Variants in TRIM8 observed in about 807,000 individuals in gnomAD.
TRIM8 encodes the protein E3 ubiquitin-protein ligase TRIM8.
TRIM8 carries 9 observed loss-of-function variants against 55.7 expected under a neutral mutation model. That is an observed-to-expected ratio of 0.16 (90% CI 0.10 to 0.28). The LOEUF is 0.28. TRIM8 is among the 10% of genes least tolerant of loss of function. The pLI, the probability that TRIM8 is intolerant of heterozygous loss-of-function variation, is 1.00. For missense variants in TRIM8, 556 were observed against 736.4 expected (o/e 0.76, Z 2.83); for synonymous variants, 335 against 333.3 (o/e 1.01, Z -0.06).
Position 102,657,077 on chromosome 10 carries a change from A to C in TRIM8, c.1379A>C (p.Tyr460Ser). 1 of 1,613,504 alleles carries C rather than the reference A, an allele frequency of 6.2e-7. No individual in the cohort carries two copies. The highest frequency in any genetic ancestry group is 2.2e-5 in the East Asian group (1 of 44,876). ...GCCCAGCAGCCCATGCTCCCCCAGT[A>C]TGGCGGCCGCAAGATTCTCGTCTGT... ...SAAQQPMLPQ[Y>S]GGRKILVCSV... Residue 460 changes from tyrosine to serine, a missense_variant, in exon 6 of 6, where the codon TAT (tyrosine) becomes TCT (serine). This residue lies in a region of TRIM8 where 391 missense variants were observed against 441.0 expected (regional missense o/e 0.89). Coordinates refer to ENST00000643721, the MANE Select transcript of TRIM8 (RefSeq NM_030912.3).
chr10:102,651,369 C>T (rs1274411942), intron 1 of TRIM8, among the ~76,000 whole-genome samples: 1 of 152,190 alleles, frequency 6.6e-6, no homozygotes, highest in Admixed American at 6.5e-5. Flanking sequence ...CAGGAAGGCC[C>T]TCCCTCTGCT....
Position 102,658,098 on chromosome 10 carries a change from A to G in TRIM8, c.*744A>G, listed in dbSNP as rs973606676. On this transcript the variant is annotated 3_prime_UTR_variant, in exon 6 of 6. Coordinates refer to ENST00000643721, the MANE Select transcript of TRIM8 (RefSeq NM_030912.3). Reference sequence around the variant, plus strand: ...AATAATAATAAAGAGAAATAAAATAATAAAATAAAAAACAATAGCACAGCC... The same window carrying G: ...AATAATAATAAAGAGAAATAAAATAGTAAAATAAAAAACAATAGCACAGCC... 6.6e-6 allele frequency: 1 copy of G among 152,118 alleles called. No homozygotes were observed. The highest frequency in any genetic ancestry group is 2.4e-5 in the African/African-American group (1 of 41,418). The allele number at this position is 152,118 out of a possible 1,614,324, so 9.4% of individuals were successfully genotyped here.
At chr10:102,654,829 T>C in intron 2 of TRIM8, 81 bp downstream of exon 2, 2 of 1,130,920 alleles carry the variant, frequency 1.8e-6, no homozygotes, top group Non-Finnish European at 2.7e-6. Context: ...TAAGGATTGA[T>C]TGTGTAGCCC....
At chr10:102,646,628 C>G (rs899515018) in intron 1 of TRIM8, among the ~76,000 whole-genome samples, 5 of 152,172 alleles carry the variant, frequency 3.3e-5, no homozygotes, top group African/African-American at 1.2e-4. Context: ...GGATAGGCCT[C>G]TGGTTTCTTA....
intron 1 of TRIM8, among the ~76,000 whole-genome samples, chr10:102,650,570 A>G (rs1377839990): frequency 1.3e-5 from 2 of 151,808 alleles, no homozygotes; most frequent in South Asian, 4.1e-4. Flanking sequence ...GCCACGTTCC[A>G]CTCTGCTCTG....
chr10:102,645,232 C>G, intron 1 of TRIM8, 45 bp downstream of exon 1: 1 of 1,466,342 alleles, frequency 6.8e-7, no homozygotes, highest in South Asian at 1.4e-5. Flanking sequence ...CACACAGACA[C>G]ACAGTCCCTT....
intron 1 of TRIM8, 88 bp downstream of exon 1, chr10:102,645,275 C>G: frequency 1.5e-6 from 2 of 1,352,850 alleles, no homozygotes; most frequent in Non-Finnish European, 1.9e-6. Flanking sequence ...CCCATCCCGA[C>G]AGGCTGACTC....
rs2064027609 is a variant in TRIM8, at chr10:102,656,663, T to C, written c.1049-84T>C. On this transcript the variant is annotated intron_variant, in intron 5 of 5. Coordinates refer to ENST00000643721, the MANE Select transcript of TRIM8 (RefSeq NM_030912.3). The surrounding 1 kb of genome is among the most constrained non-coding windows in gnomAD (Gnocchi z 4.6). ...ACATTCTTGGGCCTCTAGGTGTCAA[T>C]GGTCCCCAGGTCCAACCCAGGGAGA... 12 of 1,501,832 alleles carry C rather than the reference T, an allele frequency of 8.0e-6. No individual in the cohort carries two copies. The highest frequency in any genetic ancestry group is 2.7e-5 in the South Asian group (2 of 72,852). 93.0% of individuals were successfully genotyped at this position (1,501,832 alleles called of 1,614,324 possible).
chr10:102,645,569 T>TTATG (rs2063927716), intron 1 of TRIM8: 1 of 186,226 alleles, frequency 5.4e-6, no homozygotes, highest in African/African-American at 2.4e-5. Flanking sequence ...CAGCTGCTGT[T>TTATG]TATGTAATGA....
intron 1 of TRIM8, among the ~76,000 whole-genome samples, chr10:102,648,797 G>A (rs945972774): frequency 1.3e-5 from 2 of 152,110 alleles, no homozygotes; most frequent in African/African-American, 2.4e-5. Context: ...GTGCACGCAC[G>A]TGTGTTTGTG....
In TRIM8 at chr10:102,645,136, G is replaced by A. The variant is rs1230512566; in HGVS notation, c.519G>A (p.Ala173=). 3 of 1,581,622 alleles carry A rather than the reference G, an allele frequency of 1.9e-6. No individual in the cohort carries two copies. The highest frequency in any genetic ancestry group is 2.6e-6 in the Non-Finnish European group (3 of 1,171,844). The change falls in exon 1 of 6, where the codon GCG becomes GCA. Residue 173 remains alanine (A), a synonymous_variant. Transcript: ENST00000643721. ...AGTACTGCTGCTACTACAGCGGCGCGCATCAGGGACACTCGGTGTGCGACG... is the reference window on the plus strand; with the variant it reads ...AGTACTGCTGCTACTACAGCGGCGCACATCAGGGACACTCGGTGTGCGACG... The part of the protein sequence containing the change: ...VCQYCCYYSG[A]HQGHSVCDVE...
At chr10:102,655,415 A>T in intron 3 of TRIM8, 102 bp downstream of exon 3, 1 of 1,122,462 alleles carries the variant, frequency 8.9e-7, no homozygotes, top group Non-Finnish European at 1.3e-6. Context: ...TTACCTTTGG[A>T]GCCAGCATGC....
rs527862605 is a variant in TRIM8, at chr10:102,657,637, T to C, written c.*283T>C. 4.8e-5 allele frequency: 16 copies of C among 332,558 alleles called. No homozygotes were observed. In the South Asian group the frequency reaches 1.1e-3, roughly 23 times the overall value. The allele number at this position is 332,558 out of a possible 1,614,324, so 20.6% of individuals were successfully genotyped here. On this transcript the variant is annotated 3_prime_UTR_variant, in exon 6 of 6. Coordinates refer to ENST00000643721, the MANE Select transcript of TRIM8 (RefSeq NM_030912.3). ...GTGTCTGTGTCGAGGCGCTGAGCTC[T>C]CTCTCTGTTTCTCCTTTTTTCCTCT...
rs539517664 is a variant in TRIM8, at chr10:102,650,216, G to T, written c.571-4437G>T. 4.3e-3 allele frequency among the ~76,000 whole-genome samples: 658 copies of T among 152,266 alleles called. 5 individuals are homozygous for T. The highest frequency in any genetic ancestry group is 6.3e-3 in the Non-Finnish European group (426 of 68,014). ...CAGAGTCCCCAAGCCTCACCCGTCT[G>T]CCCAGTCTAGTCTGGCATCAAAAAT... On this transcript the variant is annotated intron_variant, in intron 1 of 5. Transcript: ENST00000643721.
chr10:102,654,968 C>T (rs1265484632), intron 2 of TRIM8, 112 bp from the exon 3 acceptor site: 2 of 1,300,162 alleles, frequency 1.5e-6, no homozygotes, highest in African/African-American at 1.5e-5. Context: ...CCTTGGGAGC[C>T]TGGGGCAGCC....
chr10:102,651,963 G>A (rs754810964), intron 1 of TRIM8, among the ~76,000 whole-genome samples: 2 of 152,214 alleles, frequency 1.3e-5, no homozygotes, highest in Non-Finnish European at 2.9e-5. Context: ...TCCCATGTGC[G>A]TGCGCAGCTT....
rs1300328134 is a variant in TRIM8 at position 102,654,745 on chromosome 10, G to A, written c.663G>A (p.Val221=). 4 of 1,613,504 alleles carry A rather than the reference G, an allele frequency of 2.5e-6. No individual in the cohort carries two copies. The East Asian group carries it at 6.7e-5, about 27-fold the overall frequency. The change falls in exon 2 of 6, where the codon GTG becomes GTA. Residue 221 remains valine, a synonymous_variant. Transcript: ENST00000643721. The part of the protein sequence containing the change: ...LYKLESDKRL[V]EEKVNQLKEE... ...AACTCGAGTCAGACAAGCGCCTGGT[G>A]GAGGTAGCTAAGCCCAAGGCCATGC...
chr10:102,647,518 C>T (rs550487640), intron 1 of TRIM8, among the ~76,000 whole-genome samples: 1 of 152,300 alleles, frequency 6.6e-6, no homozygotes, highest in East Asian at 1.9e-4. Context: ...AGGGGCCCTG[C>T]CTGCCCTCCC....
Position 102,655,111 on chromosome 10 carries a change from G to A in TRIM8, c.698G>A (p.Arg233Gln), listed in dbSNP as rs752619904. 9 of 1,612,678 alleles carry A rather than the reference G, an allele frequency of 5.6e-6. No individual in the cohort carries two copies. In the South Asian group the frequency reaches 6.6e-5, roughly 12 times the overall value. Residue 233 changes from arginine to glutamine, a missense_variant, in exon 3 of 6, where the codon CGG becomes CAG. Transcript: ENST00000643721. ...EKVNQLKEEV[R>Q]LQYEKLHQLL... ...GTGAACCAACTGAAGGAGGAAGTTC[G>A]GCTGCAGTACGAGAAGCTGCACCAG...
Sources: gnomAD v4.1 joint callset for allele counts (sites outside exome capture counted in the v4.1 genomes callset) on GRCh38, gnomAD v4.1.1 for gene constraint, gnomAD v4.1.1 regional missense constraint, Gnocchi (gnomAD v3.1) non-coding constraint, MANE v1.5 for transcripts, NCBI Gene and HGNC (gene_info 2026-07-23, HGNC 2026-07-21) for gene names.